STARD8: variants seen among roughly 807,000 people sequenced by gnomAD.
The protein encoded by STARD8 is StAR related lipid transfer domain containing 8, also known as stAR-related lipid transfer protein 8.
In STARD8, 25 loss-of-function variants were observed where a neutral mutation model predicts 69.4. That is an observed-to-expected ratio of 0.36 (90% CI 0.26 to 0.50). The LOEUF (loss-of-function observed/expected upper bound fraction) is 0.50. STARD8 is among the 20% of genes least tolerant of loss of function. STARD8 has a pLI of 0.96. For missense variants in STARD8, 921 were observed against 932.5 expected (o/e 0.99, Z 0.16); for synonymous variants, 389 against 374.6 (o/e 1.04, Z -0.45).
chrX:68,722,399 C>A, intron 11 of STARD8, 23 bp from the exon 12 acceptor site: 1 of 1,164,492 alleles, frequency 8.6e-7, no homozygotes, highest in Non-Finnish European at 1.2e-6. Context: ...GAGCTGCAGC[C>A]CATTGTGTGT....
chrX:68,694,973 C>T (rs767341372), intron 2 of STARD8, among the ~76,000 whole-genome samples: 33 of 111,124 alleles, frequency 3.0e-4, no homozygotes, highest in Non-Finnish European at 5.3e-4. Flanking sequence ...GCTTCTCTCC[C>T]AGTCAGAGCC....
At chrX:68,713,528 C>T (rs1455537405) in intron 3 of STARD8, among the ~76,000 whole-genome samples, 1 of 111,777 alleles carries the variant, frequency 8.9e-6, no homozygotes, top group South Asian at 3.8e-4. Flanking sequence ...TGGTCACACT[C>T]AGTGGTCACT....
At chrX:68,664,139 T>C (rs1418167209) in intron 1 of STARD8, among the ~76,000 whole-genome samples, 1 of 112,080 alleles carries the variant, frequency 8.9e-6, no homozygotes, top group Non-Finnish European at 1.9e-5. Flanking sequence ...ACCACTTGGT[T>C]GGTTTAGAGG....
chrX:68,707,086 G>A (rs777849256), intron 2 of STARD8, among the ~76,000 whole-genome samples: 2 of 112,670 alleles, frequency 1.8e-5, no homozygotes, highest in African/African-American at 3.2e-5. Flanking sequence ...CAGGACACTG[G>A]CTTTTCCTCC....
intron 2 of STARD8, among the ~76,000 whole-genome samples, chrX:68,668,877 T>A (rs1403662682): frequency 8.9e-6 from 1 of 112,143 alleles, no homozygotes. Flanking sequence ...ATAATATCTA[T>A]GAAATTAGGT....
chrX:68,723,704 G>A lies in STARD8; in HGVS notation c.2878G>A (p.Val960Ile), dbSNP rs1466716621. 1 of 1,196,789 alleles carries A rather than the reference G, an allele frequency of 8.4e-7. No individual in the cohort carries two copies. The change falls in exon 13 of 15, where the codon GTT (valine) becomes ATT (isoleucine). Residue 960 changes from valine to isoleucine, a missense_variant. By Grantham distance (29) the Val-to-Ile change is conservative. Coordinates refer to ENST00000374599, the MANE Select transcript of STARD8 (RefSeq NM_001142503.3). ...CCCCCCAGCTGTGGTGCTGCATCGT[G>A]TTCTCCGGGAGCGGGCCCTCTGGGA... ...AAPPAVVLHR[V>I]LRERALWDED...
In STARD8 at chrX:68,724,448, C is replaced by T. The variant is rs745705319; in HGVS notation, c.*26C>T. 3 of 1,144,784 alleles carry T rather than the reference C, an allele frequency of 2.6e-6. No homozygotes were observed. The highest frequency in any genetic ancestry group is 3.6e-6 in the Non-Finnish European group (3 of 843,193). 94.3% of individuals were successfully genotyped at this position (1,144,784 alleles called of 1,213,427 possible). On this transcript the variant is annotated 3_prime_UTR_variant, in exon 15 of 15. Coordinates refer to ENST00000374599, the MANE Select transcript of STARD8 (RefSeq NM_001142503.3). Reference sequence around the variant, plus strand: ...GCCTTGGGCTGGTCCCAGGGTGGCACCACCCAGGCCCCCTGGGCACCAAGG... The same window carrying T: ...GCCTTGGGCTGGTCCCAGGGTGGCATCACCCAGGCCCCCTGGGCACCAAGG...
intron 2 of STARD8, among the ~76,000 whole-genome samples, chrX:68,704,690 T>G (rs750991940): frequency 9.0e-6 from 1 of 111,181 alleles, no homozygotes; most frequent in Non-Finnish European, 1.9e-5. Flanking sequence ...GAGAGCTGGT[T>G]TGTGGGGAAA....
chrX:68,677,539 C>G (rs990009629), intron 2 of STARD8, among the ~76,000 whole-genome samples: 4 of 111,448 alleles, frequency 3.6e-5, no homozygotes, highest in African/African-American at 1.3e-4. Context: ...ACTGAATCCC[C>G]AGAGTCGTGC....
intron 11 of STARD8, 104 bp downstream of exon 11, chrX:68,722,265 C>T (rs2080156725): frequency 3.5e-6 from 3 of 849,307 alleles, no homozygotes; most frequent in Non-Finnish European, 3.3e-6. Flanking sequence ...TGACACATAC[C>T]CCTCAAGCTT....
chrX:68,687,572 A>G (rs1428438593), intron 2 of STARD8, among the ~76,000 whole-genome samples: 1 of 111,819 alleles, frequency 8.9e-6, no homozygotes, highest in Admixed American at 9.4e-5. Context: ...CATGGAATTG[A>G]ACACGCTGAA....
chrX:68,653,166 CCA>C (rs1238055441), intron 1 of STARD8, among the ~76,000 whole-genome samples: 4 of 18,409 alleles, frequency 2.2e-4, no homozygotes, highest in Non-Finnish European at 3.9e-4. Context: ...AACACACACA[CCA>C]CACACACACA....
rs766843522 is a variant in STARD8 at position 68,689,619 on chromosome X, A to G, written c.80-23295A>G. On this transcript the variant is annotated intron_variant, in intron 2 of 14. Transcript: ENST00000374599. ...CTGTATGTCTGAGCTTAGGGAGGGC[A>G]AGGGCAGAGAGGTTAGGTGACCCCT... Among the ~76,000 whole-genome samples the G allele has an allele frequency of 4.0e-3, 453 of 112,500 alleles. 2 individuals are homozygous for G. The highest frequency in any genetic ancestry group is 0.014 in the African/African-American group (427 of 30,957).
intron 2 of STARD8, among the ~76,000 whole-genome samples, chrX:68,701,457 C>T (rs757219203): frequency 3.2e-4 from 36 of 112,800 alleles, no homozygotes; most frequent in Non-Finnish European, 5.8e-4. Context: ...GGGTCTCCTT[C>T]CCCACCTGAG....
chrX:68,650,104 TC>T (rs1343799655), intron 1 of STARD8, among the ~76,000 whole-genome samples: 1 of 111,101 alleles, frequency 9.0e-6, no homozygotes, highest in Non-Finnish European at 1.9e-5. Context: ...AGAAAACATG[TC>T]CTAACCCCTG....
intron 11 of STARD8, 107 bp from the exon 12 acceptor site, chrX:68,722,315 T>A: frequency 1.1e-5 from 9 of 856,253 alleles, no homozygotes; most frequent in Non-Finnish European, 1.5e-5. Context: ...CTCATCTACC[T>A]TGCTGTGGTA....
chrX:68,667,866 G>A (rs2079693482), intron 2 of STARD8, among the ~76,000 whole-genome samples: 1 of 110,788 alleles, frequency 9.0e-6, no homozygotes, highest in Non-Finnish European at 1.9e-5. Flanking sequence ...TCCCCTCTCC[G>A]AACCTCAATG....
At chrX:68,706,743 G>A (rs2080009855) in intron 2 of STARD8, among the ~76,000 whole-genome samples, 1 of 113,159 alleles carries the variant, frequency 8.8e-6, no homozygotes, top group African/African-American at 3.2e-5. Flanking sequence ...GGTAAAAGAA[G>A]CTGCTCAGAG....
chrX:68,710,123 C>T (rs1354600144), intron 2 of STARD8, among the ~76,000 whole-genome samples: 1 of 111,986 alleles, frequency 8.9e-6, no homozygotes, highest in African/African-American at 3.2e-5. Context: ...GAGCACTGAA[C>T]ATGGAGTGAA....
Sources: allele counts gnomAD v4.1 joint callset (sites outside exome capture counted in the v4.1 genomes callset), GRCh38; gene constraint gnomAD v4.1.1; transcripts MANE v1.5; gene names NCBI Gene and HGNC (gene_info 2026-07-23, HGNC 2026-07-21).